Variants in OLFM2 observed in about 807,000 individuals in gnomAD.
The protein encoded by OLFM2 is noelin-2.
A neutral mutation model predicts 43.9 loss-of-function variants in OLFM2; 20 were observed. The ratio of observed to expected loss-of-function variants is 0.46; its 90% CI spans 0.32 to 0.66. OLFM2 has a LOEUF of 0.66. Among genes scored for constraint, OLFM2 ranks in the 30% least tolerant of loss-of-function variants. The probability of loss-of-function intolerance (pLI) is 0.04; values close to 1 mark genes in which losing one functional copy is unlikely to be tolerated. For synonymous variants in OLFM2, 268 were observed against 278.6 expected (o/e 0.96, Z 0.38); for missense variants, 416 against 643.6 (o/e 0.65, Z 3.83).
chr19:9,922,063 C>T (rs947621541), intron 1 of OLFM2, among the ~76,000 whole-genome samples: 7 of 149,484 alleles, frequency 4.7e-5, no homozygotes, highest in African/African-American at 7.4e-5. Context: ...CACTGCACTC[C>T]GGCCTGGGCA....
chr19:9,935,027 G>C (rs1417175618), intron 1 of OLFM2, among the ~76,000 whole-genome samples: 1 of 152,126 alleles, frequency 6.6e-6, no homozygotes, highest in Non-Finnish European at 1.5e-5. Flanking sequence ...AATCGTGTGG[G>C]CTCAGGAGCC....
chr19:9,888,230 C>T (rs2046605092), intron 1 of OLFM2, among the ~76,000 whole-genome samples: 1 of 151,946 alleles, frequency 6.6e-6, no homozygotes, highest in Non-Finnish European at 1.5e-5. Flanking sequence ...TCTCAAAAGA[C>T]CCTCCCTGCT....
chr19:9,936,463 G>A lies in OLFM2; in HGVS notation c.-97C>T, dbSNP rs927714096. ...GCGCGACCCCGCCCGCCCGGCCGGG[G>A]CGACCCTGCGCCGCCGCCTCCCCCG... is the stretch of plus-strand genomic sequence containing the variant. On this transcript the variant is annotated 5_prime_UTR_variant, in exon 1 of 6. Coordinates refer to ENST00000264833, the MANE Select transcript of OLFM2 (RefSeq NM_058164.4). 3.1e-5 allele frequency: 28 copies of A among 899,138 alleles called. No individual in the cohort carries two copies. Among genetic ancestry groups the A allele is most frequent in the South Asian group, 4.9e-5 (1 of 20,300 alleles). 55.7% of individuals were successfully genotyped at this position (899,138 alleles called of 1,614,324 possible).
At chr19:9,870,933 C>A (rs530065299) in intron 1 of OLFM2, among the ~76,000 whole-genome samples, 6 of 152,082 alleles carry the variant, frequency 3.9e-5, no homozygotes, top group Middle Eastern at 3.4e-3. Flanking sequence ...CAGTGGCTCG[C>A]ATCTGTAATC....
At chr19:9,923,557 G>GAA (rs796943036) in intron 1 of OLFM2, among the ~76,000 whole-genome samples, 1 of 78,250 alleles carries the variant, frequency 1.3e-5, no homozygotes, top group Non-Finnish European at 2.5e-5. Context: ...ACTGTCTCAG[G>GAA]AAAAAAAAAA....
At chr19:9,887,122 A>G (rs1010678248) in intron 1 of OLFM2, among the ~76,000 whole-genome samples, 2 of 152,188 alleles carry the variant, frequency 1.3e-5, no homozygotes, top group African/African-American at 2.4e-5. Flanking sequence ...TCTGGCATTC[A>G]AGAATAAATC....
chr19:9,911,187 A>T (rs1188995241), intron 1 of OLFM2, among the ~76,000 whole-genome samples: 2 of 152,208 alleles, frequency 1.3e-5, no homozygotes, highest in Non-Finnish European at 2.9e-5. Flanking sequence ...TCAGAGTGAC[A>T]AAGGCACTGG....
chr19:9,903,769 T>C (rs778642386), intron 1 of OLFM2, among the ~76,000 whole-genome samples: 2 of 152,174 alleles, frequency 1.3e-5, no homozygotes, highest in Non-Finnish European at 2.9e-5. Flanking sequence ...CTCCCAAGAA[T>C]AAACAAATTT....
chr19:9,930,175 A>G (rs923324634), intron 1 of OLFM2, among the ~76,000 whole-genome samples: 3 of 152,212 alleles, frequency 2.0e-5, no homozygotes, highest in African/African-American at 7.2e-5. Flanking sequence ...GTCACCAAAC[A>G]TACACATACA....
chr19:9,899,378 C>G (rs2046711668), intron 1 of OLFM2, among the ~76,000 whole-genome samples: 1 of 152,098 alleles, frequency 6.6e-6, no homozygotes, highest in African/African-American at 2.4e-5. Flanking sequence ...CCAGCCTTCT[C>G]TTTCCAGAGT....
chr19:9,898,394 C>T (rs1029662096), intron 1 of OLFM2, among the ~76,000 whole-genome samples: 3 of 151,608 alleles, frequency 2.0e-5, no homozygotes, highest in African/African-American at 4.8e-5. Flanking sequence ...TGGTGGCGGG[C>T]GCCTGTAATC....
chr19:9,905,828 T>TGGCACAGGCGCTATACCCTGAGCAGCCC (rs2046781575), intron 1 of OLFM2, among the ~76,000 whole-genome samples: 1 of 152,164 alleles, frequency 6.6e-6, no homozygotes, highest in Non-Finnish European at 1.5e-5. Flanking sequence ...CTTGGCAGCC[T>TGGCACAGGCGCTATACCCTGAGCAGCCC]GGCACAGGCG....
intron 1 of OLFM2, among the ~76,000 whole-genome samples, chr19:9,924,406 CAAAAAAAAAAAAAA>C (rs1166738814): frequency 3.9e-5 from 1 of 25,790 alleles, no homozygotes; most frequent in East Asian, 1.3e-3. Flanking sequence ...ACTCTGTCTC[CAAAAAAAAAAAAAA>C]AAAAAAAAAA....
chr19:9,914,090 C>T (rs964047924), intron 1 of OLFM2, among the ~76,000 whole-genome samples: 3 of 150,660 alleles, frequency 2.0e-5, no homozygotes, highest in Non-Finnish European at 3.0e-5. Context: ...GTATTCCCGG[C>T]CCCCCTCCCC....
At chr19:9,923,269 G>T (rs1236011177) in intron 1 of OLFM2, among the ~76,000 whole-genome samples, 2 of 151,894 alleles carry the variant, frequency 1.3e-5, no homozygotes, top group Non-Finnish European at 2.9e-5. Context: ...AAACAGGGTG[G>T]AGTAGCTGGG....
intron 1 of OLFM2, among the ~76,000 whole-genome samples, chr19:9,917,384 C>A (rs1039325025): frequency 1.0e-5 from 1 of 96,114 alleles, no homozygotes; most frequent in East Asian, 3.3e-4. Context: ...TGGGTCAGAG[C>A]CATGCCCTGC....
At chr19:9,870,148 C>T (rs891967965) in intron 1 of OLFM2, among the ~76,000 whole-genome samples, 4 of 151,912 alleles carry the variant, frequency 2.6e-5, no homozygotes, top group South Asian at 2.1e-4. Flanking sequence ...ACTGCAGCCT[C>T]GGATTCCTGG....
chr19:9,909,680 C>T (rs1324574979), intron 1 of OLFM2, among the ~76,000 whole-genome samples: 1 of 152,206 alleles, frequency 6.6e-6, no homozygotes, highest in Non-Finnish European at 1.5e-5. Flanking sequence ...AACCCCTCAG[C>T]CTCCCCGACG....
intron 1 of OLFM2, among the ~76,000 whole-genome samples, chr19:9,883,334 T>TAAGC (rs2046556854): frequency 1.3e-5 from 2 of 151,930 alleles, no homozygotes; most frequent in Admixed American, 1.3e-4. Context: ...TCCCTCTGGG[T>TAAGC]AAGCCCAAGA....
Sources: gnomAD v4.1 joint callset for allele counts (sites outside exome capture counted in the v4.1 genomes callset) on GRCh38, gnomAD v4.1.1 for gene constraint, MANE v1.5 for transcripts, NCBI Gene and HGNC (gene_info 2026-07-23, HGNC 2026-07-21) for gene names.